Variants in NOL4 observed in about 807,000 individuals in gnomAD.
NOL4 encodes the protein nucleolar protein 4, also known as cancer/testis antigen 125.
In NOL4, 17 loss-of-function variants were observed where a neutral mutation model predicts 75.9. The ratio of observed to expected loss-of-function variants is 0.22; its 90% CI spans 0.15 to 0.34. NOL4 has a LOEUF of 0.34. Ranked by LOEUF, NOL4 falls within the 10% of genes least tolerant of loss-of-function variation. The pLI, the probability that NOL4 is intolerant of heterozygous loss-of-function variation, is 1.00. For missense variants in NOL4, 614 were observed against 793.5 expected (o/e 0.77, Z 2.72); for synonymous variants, 292 against 289.9 (o/e 1.01, Z -0.07).
intron 9 of NOL4, among the ~76,000 whole-genome samples, chr18:33,927,291 A>G (rs1424554754): frequency 6.6e-6 from 1 of 152,226 alleles, no homozygotes. Context: ...GGTGTATTAA[A>G]GGCAAAACAT....
At chr18:33,854,499 T>G (rs1035007129) in intron 10 of NOL4, among the ~76,000 whole-genome samples, 4 of 152,074 alleles carry the variant, frequency 2.6e-5, no homozygotes, top group Non-Finnish European at 4.4e-5. Context: ...ATGTCACATT[T>G]GCAAACAGAA....
At chr18:33,959,974 T>C (rs2069972116) in intron 6 of NOL4, among the ~76,000 whole-genome samples, 1 of 152,020 alleles carries the variant, frequency 6.6e-6, no homozygotes, top group Non-Finnish European at 1.5e-5. Flanking sequence ...TGCACATGTG[T>C]GTATAATTGA....
chr18:33,889,424 C>T (rs2064965235), intron 9 of NOL4, among the ~76,000 whole-genome samples: 1 of 151,972 alleles, frequency 6.6e-6, no homozygotes, highest in Non-Finnish European at 1.5e-5. Context: ...GATTCCAGGA[C>T]CAGACGGATT....
At chr18:34,088,608 C>T (rs1414255951) in intron 5 of NOL4, among the ~76,000 whole-genome samples, 1 of 152,024 alleles carries the variant, frequency 6.6e-6, no homozygotes, top group Admixed American at 6.6e-5. Context: ...CCTTATATTC[C>T]ACAACACCTT....
chr18:33,925,099 AT>A (rs2067247814), intron 9 of NOL4, among the ~76,000 whole-genome samples: 2 of 151,008 alleles, frequency 1.3e-5, no homozygotes, highest in South Asian at 4.2e-4. Context: ...TTTGAAAAAA[AT>A]AAATGAGAAA....
chr18:33,918,354 G>T lies in NOL4; in HGVS notation c.1542+24711C>A, dbSNP rs539241062. Among the ~76,000 whole-genome samples, 6 of 152,282 alleles carry T rather than the reference G, an allele frequency of 3.9e-5. No individual in the cohort carries two copies. In the South Asian group the frequency reaches 1.2e-3, roughly 32 times the overall value. On this transcript the variant is annotated intron_variant, in intron 9 of 10. Coordinates refer to ENST00000261592, the MANE Select transcript of NOL4 (RefSeq NM_003787.5). ...AAAGATGAGGTTCATAATTCAGCAT[G>T]AGTTGAACTTACATTCATACACTCA... is the stretch of plus-strand genomic sequence containing the variant.
At chr18:34,012,800 C>A (rs188504105) in intron 6 of NOL4, among the ~76,000 whole-genome samples, 1 of 152,060 alleles carries the variant, frequency 6.6e-6, no homozygotes, top group Admixed American at 6.6e-5. Context: ...AATGCCATTG[C>A]AAGTATTTGC....
chr18:34,008,922 T>C (rs1275318244), intron 6 of NOL4, among the ~76,000 whole-genome samples: 1 of 152,032 alleles, frequency 6.6e-6, no homozygotes, highest in African/African-American at 2.4e-5. Context: ...TATTCCCATG[T>C]CACTGCATTT....
chr18:33,981,903 A>T (rs1407653556), intron 6 of NOL4, among the ~76,000 whole-genome samples: 1 of 152,086 alleles, frequency 6.6e-6, no homozygotes, highest in Non-Finnish European at 1.5e-5. Flanking sequence ...AACATAAGAG[A>T]AGTGAGGGAA....
At position 34,047,101 on chromosome 18, in the gene NOL4, A is replaced by G. The variant is rs146422637; in HGVS notation, c.773-27500T>C. Among the ~76,000 whole-genome samples the G allele has an allele frequency of 4.6e-5, 7 of 152,218 alleles. No homozygotes were observed. In the East Asian group the frequency reaches 1.4e-3, roughly 29 times the overall value. The stretch of plus-strand genomic sequence containing the variant: ...GTACTTCCTAACATATGAAGATAAT[A>G]ATTTTATCCAACATTTTAATATACC... On this transcript the variant is annotated intron_variant, in intron 5 of 10. Coordinates refer to ENST00000261592, the MANE Select transcript of NOL4 (RefSeq NM_003787.5).
intron 5 of NOL4, among the ~76,000 whole-genome samples, chr18:34,079,080 A>G (rs2077875708): frequency 6.6e-6 from 1 of 152,180 alleles, no homozygotes; most frequent in African/African-American, 2.4e-5. Flanking sequence ...CGCTTAGCCA[A>G]CTAAAACTCA....
At position 34,083,867 on chromosome 18, in the gene NOL4, G is replaced by A. The variant is rs183632575; in HGVS notation, c.772+9598C>T. ...AAAGACAGAATATTCATCCATGGAC[G>A]TTGTTGTTGTTTCTTTCTGTGTGGT... On this transcript the variant is annotated intron_variant, in intron 5 of 10. Transcript: ENST00000261592. 5.6e-4 allele frequency among the ~76,000 whole-genome samples: 85 copies of A among 152,258 alleles called. 1 individual carries two copies. The Middle Eastern group carries it at 0.01, about 18-fold the overall frequency.
chr18:34,029,243 C>T lies in NOL4; in HGVS notation c.773-9642G>A, dbSNP rs1363267103. On this transcript the variant is annotated intron_variant, in intron 5 of 10. Coordinates refer to ENST00000261592, the MANE Select transcript of NOL4 (RefSeq NM_003787.5). The stretch of plus-strand genomic sequence containing the variant: ...GAAACTCAGTGAGGTTTATTTATGG[C>T]CTAGCTGTTCTGCACATTCTAGTCT... Among the ~76,000 whole-genome samples the T allele has an allele frequency of 5.3e-5, 8 of 152,178 alleles. No homozygotes were observed. In the East Asian group the frequency reaches 1.5e-3, roughly 29 times the overall value.
intron 2 of NOL4, among the ~76,000 whole-genome samples, 164 bp from the exon 3 acceptor site, chr18:34,105,324 C>G (rs546848546): frequency 6.6e-6 from 1 of 152,058 alleles, no homozygotes; most frequent in Admixed American, 6.6e-5. Context: ...AAATATCTAT[C>G]AAACTTGATT....
chr18:33,883,345 G>A lies in NOL4; in HGVS notation c.1622C>T (p.Ser541Leu), dbSNP rs2064425618. The change falls in exon 10 of 11, where the codon TCA (serine) becomes TTA (leucine). Residue 541 changes from serine (S) to leucine (L), a missense_variant. Physicochemically the swap from Ser to Leu is moderately radical, Grantham distance 145. Around this residue, in one of 9 missense-constraint regions of NOL4, gnomAD observed 128 missense variants for 159.9 expected, o/e 0.80. Transcript: ENST00000261592. ...ATYSTSAVPG[S>L]QDVLYINGNG... ...TCCATTGATGTACAGCACGTCCTGT[G>A]AGCCTGGAACAGCTGATGTTGAGTA... is the stretch of plus-strand genomic sequence containing the variant. 6.2e-7 allele frequency: 1 copy of A among 1,613,302 alleles called. No homozygotes were observed. Among genetic ancestry groups the A allele is most frequent in the Non-Finnish European group, 8.5e-7 (1 of 1,179,540 alleles).
chr18:34,122,400 C>CA (rs2080183450), intron 2 of NOL4, among the ~76,000 whole-genome samples: 1 of 150,410 alleles, frequency 6.6e-6, no homozygotes. Flanking sequence ...ATAGTAGACA[C>CA]AAAAAAAGAA....
intron 1 of NOL4, among the ~76,000 whole-genome samples, chr18:34,193,393 GAACTC>G (rs1266328029): frequency 6.6e-6 from 1 of 152,002 alleles, no homozygotes; most frequent in Non-Finnish European, 1.5e-5. Context: ...AATATATAAG[GAACTC>G]AACTCAATAG....
chr18:34,167,787 T>C (rs1388686149), intron 1 of NOL4, among the ~76,000 whole-genome samples: 1 of 151,956 alleles, frequency 6.6e-6, no homozygotes, highest in Non-Finnish European at 1.5e-5. Flanking sequence ...ATCTGAGGAC[T>C]GGAGGGAGTA....
chr18:33,939,292 A>C (rs1235263909), intron 9 of NOL4, among the ~76,000 whole-genome samples: 1 of 152,136 alleles, frequency 6.6e-6, no homozygotes, highest in African/African-American at 2.4e-5. Context: ...AATTTAACAT[A>C]GCTTTCTCTA....
Sources: gnomAD v4.1 joint callset for allele counts (sites outside exome capture counted in the v4.1 genomes callset) on GRCh38, gnomAD v4.1.1 for gene constraint, gnomAD v4.1.1 regional missense constraint, MANE v1.5 for transcripts, NCBI Gene and HGNC (gene_info 2026-07-23, HGNC 2026-07-21) for gene names.